DPF3: variants seen among roughly 807,000 people sequenced by gnomAD.
DPF3 encodes double PHD fingers 3.
In DPF3, 18 loss-of-function variants were observed where a neutral mutation model predicts 56.8. The observed-to-expected ratio is 0.32, with a 90% CI of 0.22 to 0.47. DPF3 has a LOEUF of 0.47. Ranked by LOEUF, DPF3 falls within the 20% of genes least tolerant of loss-of-function variation. DPF3 has a pLI of 1.00. For synonymous variants in DPF3, 188 were observed against 180.2 expected, an observed-to-expected ratio of 1.04 and a Z score of -0.35; for missense variants, 403 against 488.8, an observed-to-expected ratio of 0.82 and a Z score of 1.65.
rs144261472 is a variant in DPF3, at chr14:72,623,073, A to G, written c.985-3089T>C. On this transcript the variant is annotated intron_variant, in intron 9 of 10. Transcript: ENST00000556509. ...AGAGAAAACAAGCAAGATGGAGAAA[A>G]CATATATACTTGTTACCATTTTTCA... 3.8e-3 allele frequency among the ~76,000 whole-genome samples: 579 copies of G among 152,368 alleles called. 9 individuals carry two copies. Among genetic ancestry groups the G allele is most frequent in the African/African-American group, 0.013 (556 of 41,590 alleles).
chr14:72,702,432 C>T (rs568155399), intron 6 of DPF3, among the ~76,000 whole-genome samples: 2 of 152,220 alleles, frequency 1.3e-5, no homozygotes, highest in East Asian at 1.9e-4. Context: ...GAGGGCTTCC[C>T]GCTCTCCCTG....
intron 1 of DPF3, among the ~76,000 whole-genome samples, chr14:72,838,416 C>G (rs1704527834): frequency 6.6e-6 from 1 of 152,200 alleles, no homozygotes; most frequent in South Asian, 2.1e-4. Flanking sequence ...ATCACTTAAA[C>G]CCAGGAGGCG....
chr14:72,875,899 C>A (rs1012721377), intron 1 of DPF3, among the ~76,000 whole-genome samples: 2 of 152,206 alleles, frequency 1.3e-5, no homozygotes, highest in African/African-American at 4.8e-5. Flanking sequence ...GTCTTAGAGA[C>A]CTGCAGCCTC....
chr14:72,858,939 A>T (rs1446181520), intron 1 of DPF3, among the ~76,000 whole-genome samples: 1 of 152,192 alleles, frequency 6.6e-6, no homozygotes, highest in Non-Finnish European at 1.5e-5. Flanking sequence ...ACTGCTAAAT[A>T]ACACTATATA....
chr14:72,763,433 A>G (rs1438803376), intron 2 of DPF3, among the ~76,000 whole-genome samples: 1 of 152,182 alleles, frequency 6.6e-6, no homozygotes, highest in African/African-American at 2.4e-5. Flanking sequence ...CTGAGAGTCC[A>G]GAAATAAACA....
intron 1 of DPF3, among the ~76,000 whole-genome samples, chr14:72,857,191 A>G (rs1885200946): frequency 6.6e-6 from 1 of 152,182 alleles, no homozygotes; most frequent in Non-Finnish European, 1.5e-5. Context: ...GCACCTCTAA[A>G]CCATGTATGG....
At chr14:72,829,246 C>T (rs78240322) in intron 1 of DPF3, among the ~76,000 whole-genome samples, 1,902 of 152,300 alleles carry the variant, frequency 0.012, 39 homozygotes, top group African/African-American at 0.044. Context: ...TTTGACCTCC[C>T]ATAAGGCCTC....
chr14:72,722,498 T>G (rs1889217723), intron 5 of DPF3, among the ~76,000 whole-genome samples: 1 of 152,150 alleles, frequency 6.6e-6, no homozygotes, highest in South Asian at 2.1e-4. Flanking sequence ...GAATCTGCAT[T>G]CAATAAGCTC....
At chr14:72,716,484 G>A (rs1888932652) in intron 5 of DPF3, among the ~76,000 whole-genome samples, 3 of 152,152 alleles carry the variant, frequency 2.0e-5, no homozygotes, top group Middle Eastern at 6.8e-3. Context: ...AGCCCTCCCT[G>A]ACCAACTTAC....
At chr14:72,629,968 CA>C (rs1252510975) in intron 8 of DPF3, among the ~76,000 whole-genome samples, 1 of 152,114 alleles carries the variant, frequency 6.6e-6, no homozygotes, top group African/African-American at 2.4e-5. Context: ...GCACTGAGAC[CA>C]TATTCCCCAG....
At chr14:72,837,847 C>A (rs769951668) in intron 1 of DPF3, among the ~76,000 whole-genome samples, 2 of 152,216 alleles carry the variant, frequency 1.3e-5, no homozygotes, top group Non-Finnish European at 2.9e-5. Flanking sequence ...AGCTGAGAGA[C>A]CAGACAGTTC....
At chr14:72,758,017 A>G (rs1890910077) in intron 2 of DPF3, among the ~76,000 whole-genome samples, 1 of 152,204 alleles carries the variant, frequency 6.6e-6, no homozygotes, top group African/African-American at 2.4e-5. Flanking sequence ...AGCAAGAAAA[A>G]GAGAAGGACG....
chr14:72,835,813 CA>C (rs112589940), intron 1 of DPF3, among the ~76,000 whole-genome samples: 15 of 152,294 alleles, frequency 9.8e-5, no homozygotes, highest in African/African-American at 3.6e-4. Flanking sequence ...CGCAGCGAGG[CA>C]GCAACCAGGT....
intron 1 of DPF3, among the ~76,000 whole-genome samples, chr14:72,826,531 G>T (rs7155879): frequency 0.11 from 16,061 of 152,234 alleles, 977 homozygotes; most frequent in Admixed American, 0.18. Flanking sequence ...GGAGGAAGAA[G>T]CCCTCTTTTC....
intron 9 of DPF3, among the ~76,000 whole-genome samples, chr14:72,622,228 G>A (rs577110223): frequency 6.6e-6 from 1 of 152,236 alleles, no homozygotes; most frequent in South Asian, 2.1e-4. Flanking sequence ...ACCCAAAAGA[G>A]TTTACTGAGA....
At position 72,610,567 on chromosome 14, in the gene DPF3, C is replaced by T. The variant is rs1425092122; in HGVS notation, c.*8730G>A. 6.6e-6 allele frequency among the ~76,000 whole-genome samples: 1 copy of T among 152,240 alleles called. No individual in the cohort carries two copies. The highest frequency in any genetic ancestry group is 1.9e-4 in the East Asian group (1 of 5,196). Reference sequence around the variant, plus strand: ...ATTGAGCTTACAAATTGCCCTCACCCTGAACCCACTTGGCAACGGGGAGAT... The same window carrying T: ...ATTGAGCTTACAAATTGCCCTCACCTTGAACCCACTTGGCAACGGGGAGAT... On this transcript the variant is annotated 3_prime_UTR_variant, in exon 11 of 11. Coordinates refer to ENST00000556509, the MANE Select transcript of DPF3 (RefSeq NM_001280542.3).
intron 1 of DPF3, among the ~76,000 whole-genome samples, chr14:72,831,608 T>G (rs1253585862): frequency 6.6e-6 from 1 of 152,212 alleles, no homozygotes; most frequent in Non-Finnish European, 1.5e-5. Flanking sequence ...GGGAAGGAAC[T>G]TGTTCAGGAT....
intron 1 of DPF3, among the ~76,000 whole-genome samples, chr14:72,796,505 C>T (rs1037011945): frequency 2.6e-5 from 4 of 151,916 alleles, no homozygotes; most frequent in Admixed American, 6.6e-5. Flanking sequence ...TTATTTATCA[C>T]TAAATAAATA....
At chr14:72,657,899 T>C (rs1439702963) in intron 8 of DPF3, among the ~76,000 whole-genome samples, 1 of 152,134 alleles carries the variant, frequency 6.6e-6, no homozygotes, top group Non-Finnish European at 1.5e-5. Context: ...TGATCCCCAT[T>C]ATAAATGATA....
Sources: gnomAD v4.1 joint callset for allele counts (sites outside exome capture counted in the v4.1 genomes callset) on GRCh38, gnomAD v4.1.1 for gene constraint, MANE v1.5 for transcripts, NCBI Gene and HGNC (gene_info 2026-07-23, HGNC 2026-07-21) for gene names.